PPP3CA: variants seen among roughly 807,000 people sequenced by gnomAD.
PPP3CA encodes the protein protein phosphatase 3 catalytic subunit alpha.
In PPP3CA, 14 loss-of-function variants were observed where a neutral mutation model predicts 66.5. The observed-to-expected ratio is 0.21, with a 90% CI of 0.14 to 0.33. The LOEUF (loss-of-function observed/expected upper bound fraction) is 0.33, where lower values mean the gene tolerates loss of function less well. Among genes scored for constraint, PPP3CA ranks in the 10% least tolerant of loss-of-function variants. PPP3CA has a pLI of 1.00. For synonymous variants in PPP3CA, 232 were observed against 226.2 expected (o/e 1.03, Z -0.23); for missense variants, 317 against 639.5 (o/e 0.50, Z 5.44).
At chr4:101,065,003 T>C (rs1728622747) in intron 8 of PPP3CA, among the ~76,000 whole-genome samples, 1 of 152,020 alleles carries the variant, frequency 6.6e-6, no homozygotes, top group African/African-American at 2.4e-5. Flanking sequence ...ACAGACACTC[T>C]GGGGACAAGA....
intron 2 of PPP3CA, among the ~76,000 whole-genome samples, chr4:101,124,764 AAAG>A: frequency 7.7e-6 from 1 of 129,248 alleles, no homozygotes; most frequent in Admixed American, 7.4e-5. Flanking sequence ...AGAAAGAAAG[AAAG>A]AAAGAAAGAA....
chr4:101,314,425 A>G (rs1728822500), intron 1 of PPP3CA, among the ~76,000 whole-genome samples: 2 of 151,914 alleles, frequency 1.3e-5, no homozygotes, highest in South Asian at 2.1e-4. Context: ...TTAGCTGGGC[A>G]TGGTGGCGGG....
Position 101,311,044 on chromosome 4 carries a change from C to T in PPP3CA, c.58+35695G>A, listed in dbSNP as rs116621106. ...TCAAAAATTAGACAATTCTAACTTA[C>T]GTTAATAATTCACAGAAAAGAAATA... On this transcript the variant is annotated intron_variant, in intron 1 of 13. Coordinates refer to ENST00000394854, the MANE Select transcript of PPP3CA (RefSeq NM_000944.5). Among the ~76,000 whole-genome samples the T allele has an allele frequency of 3.0e-3, 452 of 152,258 alleles. 4 individuals are homozygous for T. Among genetic ancestry groups the T allele is most frequent in the African/African-American group, 0.01 (428 of 41,540 alleles).
intron 11 of PPP3CA, among the ~76,000 whole-genome samples, chr4:101,033,286 ACACACAAAC>A: frequency 1.4e-5 from 1 of 72,526 alleles, no homozygotes; most frequent in East Asian, 2.9e-4. Context: ...ACACACACAC[ACACACAAAC>A]ACACACACAC....
chr4:101,242,408 A>G (rs1726340107), intron 1 of PPP3CA, among the ~76,000 whole-genome samples: 1 of 152,134 alleles, frequency 6.6e-6, no homozygotes, highest in African/African-American at 2.4e-5. Context: ...CTGGTAAGCT[A>G]TTAGTCAAAT....
intron 8 of PPP3CA, among the ~76,000 whole-genome samples, chr4:101,068,429 T>C (rs1237737616): frequency 6.6e-6 from 1 of 152,110 alleles, no homozygotes; most frequent in African/African-American, 2.4e-5. Context: ...CTCATAATGT[T>C]CTATGGCAGC....
intron 2 of PPP3CA, among the ~76,000 whole-genome samples, chr4:101,176,056 G>A (rs1206471576): frequency 1.3e-5 from 2 of 152,092 alleles, no homozygotes; most frequent in East Asian, 3.9e-4. Flanking sequence ...AGTCATGGAA[G>A]GCACAAACAT....
At chr4:101,171,309 A>G (rs892349523) in intron 2 of PPP3CA, 17 of 428,146 alleles carry the variant, frequency 4.0e-5, no homozygotes, top group Non-Finnish European at 6.5e-5. Context: ...TTAAAGCTCC[A>G]TAGTTGGTTC....
At chr4:101,296,743 C>T (rs190536647) in intron 1 of PPP3CA, among the ~76,000 whole-genome samples, 15 of 152,138 alleles carry the variant, frequency 9.9e-5, no homozygotes, top group Admixed American at 7.9e-4. Flanking sequence ...TTATTACAGA[C>T]GTGCAAAAGT....
chr4:101,229,658 A>G lies in PPP3CA; in HGVS notation c.59-33542T>C, dbSNP rs554770810. Among the ~76,000 whole-genome samples the G allele has an allele frequency of 1.1e-4, 16 of 151,734 alleles. No homozygotes were observed. The South Asian group carries it at 3.3e-3, about 31-fold the overall frequency. On this transcript the variant is annotated intron_variant, in intron 1 of 13. Coordinates refer to ENST00000394854, the MANE Select transcript of PPP3CA (RefSeq NM_000944.5). The stretch of plus-strand genomic sequence containing the variant: ...GAATCAAAAGGCAGCATTAGTATAA[A>G]TTGAGCTCTTAGGAGTCAGTCTCCA...
At chr4:101,221,228 G>T (rs2110213961) in intron 1 of PPP3CA, among the ~76,000 whole-genome samples, 1 of 151,690 alleles carries the variant, frequency 6.6e-6, no homozygotes, top group South Asian at 2.1e-4. Flanking sequence ...AAGAGTAACA[G>T]ACGGCCATAA....
At chr4:101,274,819 T>G (rs1193733831) in intron 1 of PPP3CA, among the ~76,000 whole-genome samples, 1 of 152,124 alleles carries the variant, frequency 6.6e-6, no homozygotes, top group East Asian at 1.9e-4. Context: ...ATACCAATAA[T>G]CAAGCTAAAG....
At chr4:101,106,379 AAG>A (rs1237388810) in intron 3 of PPP3CA, among the ~76,000 whole-genome samples, 2 of 3,324 alleles carry the variant, frequency 6.0e-4, no homozygotes, top group South Asian at 0.013. Flanking sequence ...AGAGAAAAGA[AAG>A]AAAGAAAGAA....
chr4:101,103,103 C>T (rs1251696769), intron 3 of PPP3CA, among the ~76,000 whole-genome samples: 2 of 152,172 alleles, frequency 1.3e-5, no homozygotes, highest in East Asian at 1.9e-4. Context: ...TAATTTTCTT[C>T]GTTAATTGGT....
intron 12 of PPP3CA, among the ~76,000 whole-genome samples, chr4:101,031,279 T>G (rs1219104098): frequency 2.0e-5 from 3 of 152,048 alleles, no homozygotes; most frequent in African/African-American, 7.2e-5. Context: ...ACAAAAAAGA[T>G]TCAAAGAAAG....
intron 1 of PPP3CA, among the ~76,000 whole-genome samples, chr4:101,222,053 TATAAA>T (rs1725643213): frequency 6.6e-6 from 1 of 151,656 alleles, no homozygotes; most frequent in Admixed American, 6.6e-5. Context: ...TTCTCATAAA[TATAAA>T]ATAACTTGTA....
intron 1 of PPP3CA, among the ~76,000 whole-genome samples, chr4:101,294,654 C>T (rs1160904486): frequency 6.6e-6 from 1 of 151,890 alleles, no homozygotes; most frequent in Non-Finnish European, 1.5e-5. Context: ...AAATAAGGTT[C>T]CTTCCATCTG....
At chr4:101,232,074 C>T (rs17030959) in intron 1 of PPP3CA, among the ~76,000 whole-genome samples, 6,846 of 151,644 alleles carry the variant, frequency 0.045, 480 homozygotes, top group African/African-American at 0.15. Context: ...CACCTCAGCA[C>T]CTAAACCCTA....
chr4:101,330,832 A>G (rs1729363720), intron 1 of PPP3CA, among the ~76,000 whole-genome samples: 2 of 152,160 alleles, frequency 1.3e-5, no homozygotes, highest in Non-Finnish European at 2.9e-5. Flanking sequence ...GTCCAATTAA[A>G]ATGACTTTTT....
Sources: allele counts gnomAD v4.1 joint callset (sites outside exome capture counted in the v4.1 genomes callset), GRCh38; gene constraint gnomAD v4.1.1; transcripts MANE v1.5; gene names NCBI Gene and HGNC (gene_info 2026-07-23, HGNC 2026-07-21).